BTRC: variants seen among roughly 807,000 people sequenced by gnomAD.
The protein encoded by BTRC is beta-transducin repeat containing E3 ubiquitin protein ligase, also known as F-box/WD repeat-containing protein 1A.
BTRC carries 42 observed loss-of-function variants against 85.5 expected under a neutral mutation model. The ratio of observed to expected loss-of-function variants is 0.49; its 90% confidence interval spans 0.38 to 0.64. BTRC has a LOEUF of 0.64. Among genes scored for constraint, BTRC ranks in the 30% least tolerant of loss-of-function variants. The pLI is 0.00. For missense variants in BTRC, 594 were observed against 743.5 expected (o/e 0.80, Z 2.34); for synonymous variants, 255 against 263.3 (o/e 0.97, Z 0.30).
chr10:101,491,116 A>C (rs1357346654), intron 4 of BTRC, among the ~76,000 whole-genome samples: 1 of 152,126 alleles, frequency 6.6e-6, no homozygotes, highest in African/African-American at 2.4e-5. Context: ...CATGTAACTT[A>C]AATAGTCACC....
intron 1 of BTRC, among the ~76,000 whole-genome samples, chr10:101,387,280 T>C (rs1366279366): frequency 1.3e-5 from 2 of 151,670 alleles, no homozygotes. Flanking sequence ...GTGATCAGAT[T>C]AGTAATTAGT....
intron 4 of BTRC, among the ~76,000 whole-genome samples, chr10:101,514,263 T>C (rs2061993523): frequency 6.6e-6 from 1 of 152,062 alleles, no homozygotes; most frequent in South Asian, 2.1e-4. Context: ...ATTTACTGAC[T>C]TTTTTTTCCT....
intron 1 of BTRC, 110 bp from the exon 2 acceptor site, chr10:101,430,235 A>G (rs1944366973): frequency 3.4e-6 from 2 of 591,738 alleles, no homozygotes; most frequent in Non-Finnish European, 2.9e-6. Flanking sequence ...TTTCTATCAT[A>G]AAGGTCAGCT....
At chr10:101,508,188 A>G (rs1309442913) in intron 4 of BTRC, among the ~76,000 whole-genome samples, 1 of 152,206 alleles carries the variant, frequency 6.6e-6, no homozygotes, top group Non-Finnish European at 1.5e-5. Context: ...TAGTTAGTAA[A>G]TAGGAAAAAA....
At chr10:101,497,632 G>A (rs1418286508) in intron 4 of BTRC, among the ~76,000 whole-genome samples, 5 of 152,124 alleles carry the variant, frequency 3.3e-5, no homozygotes, top group African/African-American at 1.2e-4. Context: ...CTTGAGCTTG[G>A]GAGGTTGAGG....
At chr10:101,490,406 G>A (rs1187086723) in intron 4 of BTRC, among the ~76,000 whole-genome samples, 1 of 152,184 alleles carries the variant, frequency 6.6e-6, no homozygotes, top group Non-Finnish European at 1.5e-5. Context: ...ATTCTCATGT[G>A]AACCTGGTGA....
chr10:101,374,060 C>T (rs1942717950), intron 1 of BTRC, among the ~76,000 whole-genome samples: 1 of 151,922 alleles, frequency 6.6e-6, no homozygotes, highest in South Asian at 2.1e-4. Context: ...TTAAAAGTAT[C>T]CATGATAAGA....
At chr10:101,463,208 G>A (rs796933920) in intron 3 of BTRC, among the ~76,000 whole-genome samples, 51 of 152,224 alleles carry the variant, frequency 3.4e-4, no homozygotes, top group African/African-American at 1.1e-3. Flanking sequence ...ACCACACCGG[G>A]CTAATTTTTG....
chr10:101,420,209 G>A (rs1342084616), intron 1 of BTRC, among the ~76,000 whole-genome samples: 1 of 151,744 alleles, frequency 6.6e-6, no homozygotes, highest in African/African-American at 2.4e-5. Flanking sequence ...CTTGTAACTT[G>A]TTTTTCTGAT....
rs1308437041 is a variant in BTRC at position 101,532,444 on chromosome 10, T to C, written c.978+12T>C. 2 of 1,601,006 alleles carry C rather than the reference T, an allele frequency of 1.2e-6. No individual in the cohort carries two copies. The highest frequency in any genetic ancestry group is 1.7e-6 in the Non-Finnish European group (2 of 1,174,376). On this transcript the variant is annotated intron_variant, in intron 8 of 14. Coordinates refer to ENST00000370187, the MANE Select transcript of BTRC (RefSeq NM_033637.4). ...ACAACACAATCAAGGTGAGGTCTAT[T>C]CAGTTGTAGAAAGGTAGCAGAGGGA...
rs781680222 is a variant in BTRC at position 101,456,106 on chromosome 10, AGTT to A, written c.157-5872_157-5870del. 3.0e-4 allele frequency among the ~76,000 whole-genome samples: 46 copies of A among 151,752 alleles called. 1 individual carries two copies. The Middle Eastern group carries it at 0.01, about 34-fold the overall frequency. On this transcript the variant is annotated intron_variant, in intron 2 of 14. Transcript: ENST00000370187. ...GAATCACTTGAACCCAGGAGGCAGA[AGTT>A]GTAATGAGCCGAGGTCGCCACTGTC...
At chr10:101,384,137 A>T (rs555147114) in intron 1 of BTRC, among the ~76,000 whole-genome samples, 1 of 152,200 alleles carries the variant, frequency 6.6e-6, no homozygotes, top group Non-Finnish European at 1.5e-5. Flanking sequence ...TATTTAAGTA[A>T]TCTCTGTTAT....
At chr10:101,462,106 C>T in intron 3 of BTRC, 48 bp downstream of exon 3, 2 of 1,273,962 alleles carry the variant, frequency 1.6e-6, no homozygotes, top group Non-Finnish European at 2.1e-6. Flanking sequence ...AACAGCAAAA[C>T]AAAAGACAGG....
chr10:101,510,676 T>C (rs935949869), intron 4 of BTRC, among the ~76,000 whole-genome samples: 1 of 152,118 alleles, frequency 6.6e-6, no homozygotes, highest in Non-Finnish European at 1.5e-5. Context: ...AGAACACTGT[T>C]GTATCCCCAT....
chr10:101,359,604 A>ATTTT lies in BTRC; in HGVS notation c.48+5386_48+5389dup, dbSNP rs57925473. Among the ~76,000 whole-genome samples the ATTTT allele has an allele frequency of 8.5e-4, 117 of 137,938 alleles. 8 individuals carry two copies. The highest frequency in any genetic ancestry group is 9.7e-4 in the Non-Finnish European group (62 of 64,112). 90.5% of individuals were successfully genotyped at this position (137,938 alleles called of 152,430 possible). The stretch of plus-strand genomic sequence containing the variant: ...CACCTTGCCTGGCTAATTTTGTTGT[A>ATTTT]TTTTTTTTTTTTTGAGATGGAGTTT... On this transcript the variant is annotated intron_variant, in intron 1 of 14. Transcript: ENST00000370187.
chr10:101,362,554 C>T (rs1308642936), intron 1 of BTRC, among the ~76,000 whole-genome samples: 4 of 152,094 alleles, frequency 2.6e-5, no homozygotes, highest in Non-Finnish European at 5.9e-5. Context: ...CGGCACCACA[C>T]CCAGCTAATT....
intron 1 of BTRC, among the ~76,000 whole-genome samples, chr10:101,387,267 A>G (rs1015116319): frequency 5.3e-5 from 8 of 151,714 alleles, no homozygotes; most frequent in Non-Finnish European, 1.0e-4. Flanking sequence ...TGTGATACAT[A>G]TAGTGATCAG....
chr10:101,398,794 G>GTTTTAAAGTAATCC (rs1366736126), intron 1 of BTRC, among the ~76,000 whole-genome samples: 5 of 152,078 alleles, frequency 3.3e-5, no homozygotes, highest in Non-Finnish European at 5.9e-5. Context: ...TAGGAACAGT[G>GTTTTAAAGTAATCC]TTTTAAAGTA....
Position 101,538,297 on chromosome 10 carries a change from A to T in BTRC, c.1582A>T (p.Ile528Phe). 1.2e-6 allele frequency: 2 copies of T among 1,613,914 alleles called. No individual in the cohort carries two copies. The highest frequency in any genetic ancestry group is 1.7e-6 in the Non-Finnish European group (2 of 1,179,844). Residue 528 changes from isoleucine to phenylalanine, a missense_variant, in exon 13 of 15, where the codon ATT becomes TTT. Coordinates refer to ENST00000370187, the MANE Select transcript of BTRC (RefSeq NM_033637.4). ...TGTCCCCTTTTTGATCTTTAGAAAAATTAAAGTGTGGGATCTTGTGGCTGC... is the reference window on the plus strand; with the variant it reads ...TGTCCCCTTTTTGATCTTTAGAAAATTTAAAGTGTGGGATCTTGTGGCTGC... ...RIVSGAYDGK[I>F]KVWDLVAALD...
Sources: allele counts gnomAD v4.1 joint callset (sites outside exome capture counted in the v4.1 genomes callset), GRCh38; gene constraint gnomAD v4.1.1; transcripts MANE v1.5; gene names NCBI Gene and HGNC (gene_info 2026-07-23, HGNC 2026-07-21).